Variants in AMMECR1 observed in about 807,000 individuals in gnomAD.
AMMECR1 encodes the protein nuclear protein AMMECR1.
A neutral mutation model predicts 22.5 loss-of-function variants in AMMECR1; 3 were observed. That is an observed-to-expected ratio of 0.13 (90% CI 0.06 to 0.35). The LOEUF (loss-of-function observed/expected upper bound fraction) is 0.35. Ranked by LOEUF, AMMECR1 falls within the 10% of genes least tolerant of loss-of-function variation. The probability of loss-of-function intolerance (pLI) is 1.00; values close to 1 mark genes in which losing one functional copy is unlikely to be tolerated. For synonymous variants in AMMECR1, 130 were observed against 116.7 expected, an observed-to-expected ratio of 1.11 and a Z score of -0.74; for missense variants, 235 against 278.7, an observed-to-expected ratio of 0.84 and a Z score of 1.12.
intron 2 of AMMECR1, among the ~76,000 whole-genome samples, chrX:110,230,669 C>T (rs752636513): frequency 2.1e-4 from 23 of 111,997 alleles, no homozygotes; most frequent in Non-Finnish European, 3.4e-4. Context: ...CAAAGTGGGA[C>T]GGAGAATGAC....
chrX:110,346,611 A>G, intron 2 of AMMECR1: 2 of 514,648 alleles, frequency 3.9e-6, no homozygotes, highest in Non-Finnish European at 3.6e-6. Context: ...TGTTACAGGG[A>G]TAAGCTTTTG....
At chrX:110,267,376 TC>T (rs2067775499) in intron 1 of AMMECR1, among the ~76,000 whole-genome samples, 1 of 109,492 alleles carries the variant, frequency 9.1e-6, no homozygotes, top group Admixed American at 9.7e-5. Context: ...ATGATCGCCA[TC>T]CTGTCTCTTC....
Position 110,197,120 on chromosome X carries a change from T to C in AMMECR1, c.*1400A>G, listed in dbSNP as rs778386657. The C allele has an allele frequency of 3.6e-4, 41 of 112,346 alleles. No individual in the cohort carries two copies. Among genetic ancestry groups the C allele is most frequent in the Non-Finnish European group, 7.1e-4 (38 of 53,177 alleles). 9.3% of individuals were successfully genotyped at this position (112,346 alleles called of 1,213,427 possible). ...CCTATCGACATCAGTAAGTTATCTT[T>C]GTATGCATCATGGGAAGACTATACT... On this transcript the variant is annotated 3_prime_UTR_variant, in exon 6 of 6. Coordinates refer to ENST00000262844, the MANE Select transcript of AMMECR1 (RefSeq NM_015365.3).
At chrX:110,375,400 A>G (rs1355049061) in intron 2 of AMMECR1, among the ~76,000 whole-genome samples, 1 of 111,941 alleles carries the variant, frequency 8.9e-6, no homozygotes, top group Non-Finnish European at 1.9e-5. Context: ...CATTGAGGCT[A>G]GTTTCCTCCT....
intron 2 of AMMECR1, among the ~76,000 whole-genome samples, chrX:110,387,450 T>C (rs1226530442): frequency 8.9e-6 from 1 of 112,564 alleles, no homozygotes; most frequent in Admixed American, 9.4e-5. Context: ...CATTGGAACA[T>C]GCATTCTCTG....
At chrX:110,399,886 G>A (rs191219638) in intron 2 of AMMECR1, among the ~76,000 whole-genome samples, 152 of 112,157 alleles carry the variant, frequency 1.4e-3, no homozygotes, top group Middle Eastern at 4.6e-3. Context: ...CATTATTAGC[G>A]AAGGCAATGA....
chrX:110,413,341 C>A (rs1182669936), intron 2 of AMMECR1, among the ~76,000 whole-genome samples: 1 of 111,572 alleles, frequency 9.0e-6, no homozygotes, highest in Non-Finnish European at 1.9e-5. Context: ...ACACTGTCCA[C>A]ACTCCCACAC....
chrX:110,314,556 AAAGTT>A (rs2068039337), intron 1 of AMMECR1, among the ~76,000 whole-genome samples: 3 of 111,813 alleles, frequency 2.7e-5, no homozygotes, highest in South Asian at 7.5e-4. Flanking sequence ...ATGTGCAGCC[AAAGTT>A]AAGAATGACT....
At chrX:110,421,401 G>A (rs1201787003) in intron 2 of AMMECR1, among the ~76,000 whole-genome samples, 1 of 112,571 alleles carries the variant, frequency 8.9e-6, no homozygotes, top group African/African-American at 3.2e-5. Context: ...AAGAACAAAT[G>A]AGACCTAATG....
At chrX:110,222,284 A>C (rs1211148738) in intron 2 of AMMECR1, among the ~76,000 whole-genome samples, 1 of 89,884 alleles carries the variant, frequency 1.1e-5, no homozygotes, top group East Asian at 3.5e-4. Context: ...TGATGAGTTC[A>C]TGTCCTTTGT....
At chrX:110,240,582 A>G (rs1348568385) in intron 2 of AMMECR1, among the ~76,000 whole-genome samples, 1 of 109,978 alleles carries the variant, frequency 9.1e-6, no homozygotes, top group Non-Finnish European at 1.9e-5. Flanking sequence ...TCATAAAGCA[A>G]GTCCTTAGAG....
At chrX:110,255,849 A>G (rs1332889423) in intron 2 of AMMECR1, among the ~76,000 whole-genome samples, 4 of 112,338 alleles carry the variant, frequency 3.6e-5, no homozygotes, top group African/African-American at 1.3e-4. Flanking sequence ...GAGCTGAAGT[A>G]AAATTAACAA....
At chrX:110,291,407 T>TCCTAGC (rs1226934449) in intron 1 of AMMECR1, among the ~76,000 whole-genome samples, 1 of 110,779 alleles carries the variant, frequency 9.0e-6, no homozygotes, top group Non-Finnish European at 1.9e-5. Context: ...GCACCTGTAG[T>TCCTAGC]CCTAGCTACT....
intron 2 of AMMECR1, among the ~76,000 whole-genome samples, chrX:110,358,639 T>C (rs1188191403): frequency 2.7e-5 from 3 of 112,067 alleles, no homozygotes; most frequent in Admixed American, 9.5e-5. Flanking sequence ...GATTAGATTA[T>C]ACTGTCTGTA....
chrX:110,433,102 C>G (rs1024096874), intron 1 of AMMECR1, among the ~76,000 whole-genome samples: 1 of 112,436 alleles, frequency 8.9e-6, no homozygotes, highest in African/African-American at 3.2e-5. Context: ...CTCGTGAGAA[C>G]CTGTCAGCTG....
chrX:110,387,568 A>C (rs1188662588), intron 2 of AMMECR1, among the ~76,000 whole-genome samples: 1 of 111,662 alleles, frequency 9.0e-6, no homozygotes, highest in Non-Finnish European at 1.9e-5. Flanking sequence ...ATCTGTTTCT[A>C]TTCCCTGACT....
chrX:110,244,947 T>C (rs2067651203), intron 2 of AMMECR1, among the ~76,000 whole-genome samples: 1 of 112,259 alleles, frequency 8.9e-6, no homozygotes, highest in African/African-American at 3.2e-5. Context: ...CTCAAATCTG[T>C]AGGACATAAT....
At chrX:110,220,611 A>T (rs1052500786) in intron 2 of AMMECR1, among the ~76,000 whole-genome samples, 2 of 111,445 alleles carry the variant, frequency 1.8e-5, no homozygotes, top group Non-Finnish European at 3.8e-5. Flanking sequence ...ACAAAACAAA[A>T]CACTTACATG....
intron 3 of AMMECR1, among the ~76,000 whole-genome samples, chrX:110,207,774 C>T (rs1286494272): frequency 2.7e-5 from 3 of 111,644 alleles, no homozygotes; most frequent in Admixed American, 1.9e-4. Flanking sequence ...CTCTTGTAAA[C>T]CTTAGAAACT....
Sources: gnomAD v4.1 joint callset for allele counts (sites outside exome capture counted in the v4.1 genomes callset) on GRCh38, gnomAD v4.1.1 for gene constraint, MANE v1.5 for transcripts, NCBI Gene and HGNC (gene_info 2026-07-23, HGNC 2026-07-21) for gene names.